The following TMC2 variants were observed in gnomAD, a reference collection of about 807,000 sequenced individuals.
TMC2 encodes the protein transmembrane channel-like protein 2.
In TMC2, 102 loss-of-function variants were observed where a neutral mutation model predicts 105.9. The observed-to-expected ratio is 0.96, with a 90% confidence interval of 0.82 to 1.14. TMC2 has a LOEUF of 1.14. Among genes scored for constraint, TMC2 ranks in the 50% most tolerant of loss-of-function variants. The pLI is 0.00. For missense variants in TMC2, 1,093 were observed against 1,134.3 expected, an observed-to-expected ratio of 0.96 and a Z score of 0.52; for synonymous variants, 402 against 422.8, an observed-to-expected ratio of 0.95 and a Z score of 0.60.
intron 4 of TMC2, among the ~76,000 whole-genome samples, chr20:2,571,482 T>C (rs1299000868): frequency 6.6e-6 from 1 of 152,216 alleles, no homozygotes; most frequent in African/African-American, 2.4e-5. Flanking sequence ...ATGGCTATTA[T>C]TAAAAAGTCA....
chr20:2,627,235 C>T (rs940397979), intron 17 of TMC2, among the ~76,000 whole-genome samples: 1 of 152,208 alleles, frequency 6.6e-6, no homozygotes, highest in South Asian at 2.1e-4. Flanking sequence ...CACCCTCCAC[C>T]TTGGCAGGGC....
intron 7 of TMC2, among the ~76,000 whole-genome samples, chr20:2,591,275 G>A (rs1004644539): frequency 1.3e-5 from 2 of 151,892 alleles, no homozygotes; most frequent in Admixed American, 1.3e-4. Flanking sequence ...TTATGACGTA[G>A]GAAACTGGTC....
At chr20:2,612,403 G>A (rs1301833602) in intron 13 of TMC2, 63 bp downstream of exon 13, 1 of 1,389,218 alleles carries the variant, frequency 7.2e-7, no homozygotes, top group Non-Finnish European at 9.5e-7. Flanking sequence ...TTCCCTCCTT[G>A]ATGTTTCCAT....
At chr20:2,549,975 C>T (rs62195066) in intron 2 of TMC2, among the ~76,000 whole-genome samples, 2 of 151,206 alleles carry the variant, frequency 1.3e-5, no homozygotes. Flanking sequence ...CTGAGGTCAG[C>T]AGTTGGAGAC....
intron 10 of TMC2, among the ~76,000 whole-genome samples, chr20:2,598,454 A>G (rs1226215959): frequency 6.6e-6 from 1 of 151,464 alleles, no homozygotes; most frequent in African/African-American, 2.4e-5. Flanking sequence ...TCGCTCTGTC[A>G]CCCAGGGTGG....
chr20:2,536,745 C>T (rs963297970), intron 1 of TMC2, 90 bp downstream of exon 1: 16 of 1,423,448 alleles, frequency 1.1e-5, no homozygotes, highest in African/African-American at 8.5e-5. Flanking sequence ...TGTTCAGAGG[C>T]ATAGGGAGGA....
chr20:2,555,759 A>G (rs957536347), intron 2 of TMC2, among the ~76,000 whole-genome samples: 1 of 152,178 alleles, frequency 6.6e-6, no homozygotes, highest in Admixed American at 6.5e-5. Context: ...GTTTTGATTG[A>G]GCATTTAATA....
chr20:2,551,760 C>T lies in TMC2; in HGVS notation c.83-6696C>T, dbSNP rs61502802. ...GCACAATTTGTTGAAAAAAACTATC[C>T]TTTCTCCATCGTCAAAGGTTGGCTA... On this transcript the variant is annotated intron_variant, in intron 2 of 19. Coordinates refer to ENST00000358864, the MANE Select transcript of TMC2 (RefSeq NM_080751.3). Among the ~76,000 whole-genome samples, 1,410 of 152,264 alleles carry T rather than the reference C, an allele frequency of 9.3e-3. 24 individuals are homozygous for T. The highest frequency in any genetic ancestry group is 0.031 in the African/African-American group (1,289 of 41,556).
chr20:2,539,025 T>TCA (rs2085870686), intron 2 of TMC2, among the ~76,000 whole-genome samples: 1 of 151,342 alleles, frequency 6.6e-6, no homozygotes, highest in Admixed American at 6.6e-5. Flanking sequence ...TCCTGTATCA[T>TCA]TTGGTAAGTG....
chr20:2,580,052 C>A lies in TMC2; in HGVS notation c.830C>A (p.Pro277Gln). ...FGLIFGLVIIPEVLMGMPYGS... is the reference protein window; with the variant it reads ...FGLIFGLVIIQEVLMGMPYGS... ...TTAATATTTGGTCTAGTCATAATCC[C>A]AGAGGTAAGAAAAGAACTTCCTAAA... Residue 277 changes from proline to glutamine, a missense_variant, in exon 7 of 20, where the codon CCA (proline) becomes CAA (glutamine). Coordinates refer to ENST00000358864, the MANE Select transcript of TMC2 (RefSeq NM_080751.3). 1 of 1,601,250 alleles carries A rather than the reference C, an allele frequency of 6.2e-7. No individual in the cohort carries two copies. Among genetic ancestry groups the A allele is most frequent in the African/African-American group, 1.3e-5 (1 of 74,702 alleles).
intron 11 of TMC2, among the ~76,000 whole-genome samples, chr20:2,610,175 G>C (rs112394577): frequency 6.6e-6 from 1 of 152,128 alleles, no homozygotes; most frequent in African/African-American, 2.4e-5. Context: ...ATCAATACTA[G>C]TAACAACAAC....
Position 2,613,284 on chromosome 20 carries a change from A to C in TMC2, c.1834A>C (p.Met612Leu), listed in dbSNP as rs2086455880. The C allele has an allele frequency of 6.2e-7, 1 of 1,614,088 alleles. No individual in the cohort carries two copies. The highest frequency in any genetic ancestry group is 8.5e-7 in the Non-Finnish European group (1 of 1,180,008). Residue 612 changes from methionine (M) to leucine (L), a missense_variant, in exon 14 of 20, where the codon ATG becomes CTG. By Grantham distance (15) the Met-to-Leu change is conservative (BLOSUM62 2). Transcript: ENST00000358864. ...DFLRACFVRF[M>L]NYCWCWDLEA... Reference sequence around the variant, plus strand: ...CCTACGGGCTTGTTTTGTGCGGTTCATGAACTACTGCTGGTGCTGGGACTT... The same window carrying C: ...CCTACGGGCTTGTTTTGTGCGGTTCCTGAACTACTGCTGGTGCTGGGACTT...
chr20:2,621,281 G>T (rs1203719168), intron 16 of TMC2, among the ~76,000 whole-genome samples: 1 of 151,794 alleles, frequency 6.6e-6, no homozygotes, highest in African/African-American at 2.4e-5. Context: ...AGAATCGCTT[G>T]AACCCGGGAG....
At chr20:2,609,599 G>A (rs772683502) in intron 11 of TMC2, among the ~76,000 whole-genome samples, 18 of 152,160 alleles carry the variant, frequency 1.2e-4, no homozygotes, top group Non-Finnish European at 2.4e-4. Context: ...AGCTGAAGAG[G>A]CAGTGGAATT....
rs551189496 is a variant in TMC2, at chr20:2,553,373, T to A, written c.83-5083T>A. On this transcript the variant is annotated intron_variant, in intron 2 of 19. Transcript: ENST00000358864. ...CCTGTGATTGTTTTTCATTAGCTGT[T>A]GATAAGATGGATTACATCAATTGAT... Among the ~76,000 whole-genome samples the A allele has an allele frequency of 2.0e-5, 3 of 152,352 alleles. No individual in the cohort carries two copies. The East Asian group carries it at 5.8e-4, about 29-fold the overall frequency.
At chr20:2,625,712 A>G (rs1287164584) in intron 17 of TMC2, among the ~76,000 whole-genome samples, 1 of 152,192 alleles carries the variant, frequency 6.6e-6, no homozygotes, top group African/African-American at 2.4e-5. Flanking sequence ...CATTTTGTAT[A>G]TATCTCCTTG....
intron 2 of TMC2, among the ~76,000 whole-genome samples, chr20:2,544,444 T>C (rs1210439780): frequency 1.3e-5 from 2 of 152,206 alleles, no homozygotes; most frequent in Non-Finnish European, 2.9e-5. Flanking sequence ...AGAGTCCATG[T>C]AACCAAATAT....
chr20:2,613,168 C>T (rs759777286), intron 13 of TMC2, 26 bp from the exon 14 acceptor site: 17 of 1,603,860 alleles, frequency 1.1e-5, no homozygotes, highest in Middle Eastern at 1.7e-4. Flanking sequence ...TCTCCAACCA[C>T]CCCCTCTTCC....
intron 14 of TMC2, among the ~76,000 whole-genome samples, chr20:2,614,457 T>C (rs2086465681): frequency 6.6e-6 from 1 of 152,042 alleles, no homozygotes; most frequent in Non-Finnish European, 1.5e-5. Context: ...AATAAAAAAT[T>C]AGCTGGGTGT....
Sources: gnomAD v4.1 joint callset for allele counts (sites outside exome capture counted in the v4.1 genomes callset) on GRCh38, gnomAD v4.1.1 for gene constraint, MANE v1.5 for transcripts, NCBI Gene and HGNC (gene_info 2026-07-23, HGNC 2026-07-21) for gene names.